MIPOL1: variants seen among roughly 807,000 people sequenced by gnomAD.
MIPOL1 encodes mirror-image polydactyly 1.
Under a neutral mutation model 60.9 loss-of-function variants are expected in MIPOL1, and 57 were observed. That is an observed-to-expected ratio of 0.94 (90% confidence interval 0.76 to 1.17). MIPOL1 has a LOEUF of 1.17. Among genes scored for constraint, MIPOL1 ranks in the 50% most tolerant of loss-of-function variants. MIPOL1 has a pLI of 0.00. For missense variants in MIPOL1, 551 were observed against 511.6 expected, an observed-to-expected ratio of 1.08 and a Z score of -0.74; for synonymous variants, 179 against 168.8, an observed-to-expected ratio of 1.06 and a Z score of -0.47.
intron 12 of MIPOL1, among the ~76,000 whole-genome samples, chr14:37,543,285 A>AT (rs199549010): frequency 0.013 from 1,975 of 150,970 alleles, 45 homozygotes; most frequent in African/African-American, 0.043. Flanking sequence ...TTATTTTATT[A>AT]TTTTTTTTTA....
chr14:37,202,903 A>G (rs1374587297), intron 1 of MIPOL1, among the ~76,000 whole-genome samples: 1 of 152,150 alleles, frequency 6.6e-6, no homozygotes, highest in Admixed American at 6.5e-5. Flanking sequence ...CTGTGTGTTC[A>G]AGGTGAATGT....
At chr14:37,370,274 G>T (rs1181508916) in intron 10 of MIPOL1, among the ~76,000 whole-genome samples, 1 of 152,094 alleles carries the variant, frequency 6.6e-6, no homozygotes, top group Non-Finnish European at 1.5e-5. Flanking sequence ...TAAGGTGCTT[G>T]TGACTTTTCA....
chr14:37,433,052 T>A (rs1423662929), intron 11 of MIPOL1, among the ~76,000 whole-genome samples: 4 of 152,078 alleles, frequency 2.6e-5, no homozygotes, highest in African/African-American at 7.2e-5. Context: ...AGGGCTGATG[T>A]TGTACTTTTT....
chr14:37,320,343 A>T (rs1595118197), intron 9 of MIPOL1, among the ~76,000 whole-genome samples: 1 of 152,142 alleles, frequency 6.6e-6, no homozygotes, highest in East Asian at 1.9e-4. Context: ...AATCATTCTG[A>T]TGGGTGTATA....
At chr14:37,300,311 G>T (rs2086260294) in intron 7 of MIPOL1, among the ~76,000 whole-genome samples, 1 of 143,478 alleles carries the variant, frequency 7.0e-6, no homozygotes, top group Non-Finnish European at 1.5e-5. Flanking sequence ...CAGGAGATTT[G>T]TCTCTTTTCC....
chr14:37,276,311 G>A (rs1369013556), intron 6 of MIPOL1: 1 of 150,980 alleles, frequency 6.6e-6, no homozygotes, highest in Admixed American at 6.6e-5. Context: ...TACAGAGAAT[G>A]TTTATTTTCT....
intron 11 of MIPOL1, among the ~76,000 whole-genome samples, chr14:37,440,420 C>A (rs181046998): frequency 1.4e-3 from 208 of 152,012 alleles, no homozygotes; most frequent in African/African-American, 4.9e-3. Flanking sequence ...TTATCTACCC[C>A]CTTTGTACCC....
chr14:37,221,988 T>TAAAC (rs1567042636), intron 1 of MIPOL1, among the ~76,000 whole-genome samples: 3 of 151,680 alleles, frequency 2.0e-5, no homozygotes, highest in African/African-American at 4.9e-5. Context: ...GAAAAATAAA[T>TAAAC]AAATAAATAA....
At chr14:37,262,777 A>G (rs1323105673) in intron 3 of MIPOL1, among the ~76,000 whole-genome samples, 1 of 152,132 alleles carries the variant, frequency 6.6e-6, no homozygotes, top group Admixed American at 6.6e-5. Flanking sequence ...GGATGTTGCT[A>G]TTCTGAGTAA....
In MIPOL1 at chr14:37,428,631, T is replaced by C. The variant is rs963971204; in HGVS notation, c.1031+5682T>C. 5.3e-5 allele frequency among the ~76,000 whole-genome samples: 8 copies of C among 151,676 alleles called. No individual in the cohort carries two copies. The South Asian group carries it at 1.7e-3, about 32-fold the overall frequency. On this transcript the variant is annotated intron_variant, in intron 11 of 12. Transcript: ENST00000684589. ...TACTAATTAGTGATACTGGCCTTTT[T>C]TTTAAAAAAGTGGGTTTTTTTCCAA...
At chr14:37,363,534 A>AGGT (rs2092360566) in intron 9 of MIPOL1, among the ~76,000 whole-genome samples, 1 of 152,122 alleles carries the variant, frequency 6.6e-6, no homozygotes, top group Non-Finnish European at 1.5e-5. Context: ...CACCTGTATG[A>AGGT]GGTGTCTGTC....
intron 9 of MIPOL1, among the ~76,000 whole-genome samples, chr14:37,311,460 C>T (rs1045260659): frequency 1.3e-5 from 2 of 152,030 alleles, no homozygotes; most frequent in African/African-American, 4.8e-5. Context: ...TACCACCGCA[C>T]TATATTTATG....
Position 37,283,420 on chromosome 14 carries a change from A to G in MIPOL1, c.494-1898A>G, listed in dbSNP as rs116040690. On this transcript the variant is annotated intron_variant, in intron 6 of 12. Coordinates refer to ENST00000684589, the MANE Select transcript of MIPOL1 (RefSeq NM_001388067.1). ...ACCCAGCCAATATTTTTGATAAACT[A>G]TTATTAATATAATTGTGGTATGCAG... Among the ~76,000 whole-genome samples the G allele has an allele frequency of 5.1e-3, 784 of 152,258 alleles. 6 individuals are homozygous for G. Among genetic ancestry groups the G allele is most frequent in the African/African-American group, 0.018 (735 of 41,558 alleles).
chr14:37,366,978 C>T (rs919568534), intron 9 of MIPOL1, among the ~76,000 whole-genome samples: 1 of 151,868 alleles, frequency 6.6e-6, no homozygotes. Context: ...TACTCCTGCC[C>T]TTTCTGTATC....
At chr14:37,273,922 A>G (rs982081667) in intron 6 of MIPOL1, among the ~76,000 whole-genome samples, 1 of 151,554 alleles carries the variant, frequency 6.6e-6, no homozygotes, top group Non-Finnish European at 1.5e-5. Flanking sequence ...TATTGCTTTT[A>G]CGTTTATGAA....
At chr14:37,314,912 G>T (rs567066899) in intron 9 of MIPOL1, among the ~76,000 whole-genome samples, 1 of 152,214 alleles carries the variant, frequency 6.6e-6, no homozygotes, top group Admixed American at 6.5e-5. Flanking sequence ...ACATTTTATT[G>T]AGTACCTGTT....
chr14:37,262,289 T>A (rs1259669609), intron 3 of MIPOL1, among the ~76,000 whole-genome samples: 6 of 152,052 alleles, frequency 3.9e-5, no homozygotes, highest in African/African-American at 7.2e-5. Context: ...ATTGTTCTGA[T>A]TATTTCAAAA....
chr14:37,323,864 G>A (rs1004297137), intron 9 of MIPOL1, among the ~76,000 whole-genome samples: 1 of 151,876 alleles, frequency 6.6e-6, no homozygotes, highest in African/African-American at 2.4e-5. Flanking sequence ...ATTGTGTAAT[G>A]TCAGCAAGAT....
chr14:37,333,556 TATATA>T (rs71449988), intron 9 of MIPOL1, among the ~76,000 whole-genome samples: 33,154 of 151,928 alleles, frequency 0.22, 4,062 homozygotes, highest in South Asian at 0.36. Context: ...AACGTGGAAA[TATATA>T]ATATGTGAGC....
Sources: allele counts gnomAD v4.1 joint callset (sites outside exome capture counted in the v4.1 genomes callset), GRCh38; gene constraint gnomAD v4.1.1; transcripts MANE v1.5; gene names NCBI Gene and HGNC (gene_info 2026-07-23, HGNC 2026-07-21).